BTBD7: variants seen among roughly 807,000 people sequenced by gnomAD.
BTBD7 encodes the protein BTB domain containing 7.
Under a neutral mutation model 99.9 loss-of-function variants are expected in BTBD7, and 38 were observed. The ratio of observed to expected loss-of-function variants is 0.38; its 90% CI spans 0.29 to 0.50. The LOEUF (loss-of-function observed/expected upper bound fraction) is 0.50. BTBD7 is among the 20% of genes least tolerant of loss of function. The pLI is 0.93. For synonymous variants in BTBD7, 520 were observed against 511.4 expected, an observed-to-expected ratio of 1.02 and a Z score of -0.23; for missense variants, 1,170 against 1,394.6, an observed-to-expected ratio of 0.84 and a Z score of 2.57.
Position 93,246,213 on chromosome 14 carries a change from C to A in BTBD7, c.2195G>T (p.Arg732Ile), listed in dbSNP as rs1292023706. The A allele has an allele frequency of 1.2e-6, 2 of 1,600,538 alleles. No individual in the cohort carries two copies. Among genetic ancestry groups the A allele is most frequent in the South Asian group, 2.2e-5 (2 of 89,026 alleles). ...SPLLTMRQPG[R>I]CRVNSTPPAE... ...AGGAGGTGTACTGTTTACGCGACATCTCCCAGGCTGTCTCATTGTCAAGAG... is the reference window on the plus strand; with the variant it reads ...AGGAGGTGTACTGTTTACGCGACATATCCCAGGCTGTCTCATTGTCAAGAG... Residue 732 changes from arginine (R) to isoleucine (I), a missense_variant, in exon 10 of 11, where the codon AGA becomes ATA. By Grantham distance (97) the Arg-to-Ile change is moderately conservative. Around this residue, in one of 4 missense-constraint regions of BTBD7, gnomAD observed 495 missense variants for 525.9 expected, o/e 0.94. Transcript: ENST00000334746.
At chr14:93,289,481 C>A (rs1218101578) in intron 3 of BTBD7, among the ~76,000 whole-genome samples, 1 of 152,178 alleles carries the variant, frequency 6.6e-6, no homozygotes, top group Non-Finnish European at 1.5e-5. Flanking sequence ...CTCAGTAGCC[C>A]CCTTTACAGC....
chr14:93,284,460 T>C (rs1169952897), intron 3 of BTBD7, among the ~76,000 whole-genome samples: 1 of 144,042 alleles, frequency 6.9e-6, no homozygotes, highest in African/African-American at 2.7e-5. Context: ...ACTCCCCACT[T>C]TTTTTTTTTT....
chr14:93,246,071 G>C lies in BTBD7; in HGVS notation c.2337C>G (p.Gly779=). Residue 779 remains glycine (G), a synonymous_variant, in exon 10 of 11, where the codon GGC becomes GGG. Coordinates refer to ENST00000334746, the MANE Select transcript of BTBD7 (RefSeq NM_001002860.4). ...ATPIHNQLKA[G]WKQRPPSQHP... Reference sequence around the variant, plus strand: ...GCTGACTGGGAGGTCTTTGCTTCCAGCCTGCTTTGAGTTGGTTATGGATTG... The same window carrying C: ...GCTGACTGGGAGGTCTTTGCTTCCACCCTGCTTTGAGTTGGTTATGGATTG... The C allele has an allele frequency of 6.3e-7, 1 of 1,596,210 alleles. No homozygotes were observed. Among genetic ancestry groups the C allele is most frequent in the Non-Finnish European group, 8.5e-7 (1 of 1,174,988 alleles).
At chr14:93,282,697 T>C (rs1279287494) in intron 3 of BTBD7, among the ~76,000 whole-genome samples, 2 of 152,156 alleles carry the variant, frequency 1.3e-5, no homozygotes, top group African/African-American at 4.8e-5. Context: ...CCAGGATATT[T>C]GTACAATGCA....
At chr14:93,281,061 G>A (rs556341625) in intron 3 of BTBD7, among the ~76,000 whole-genome samples, 3 of 152,048 alleles carry the variant, frequency 2.0e-5, no homozygotes, top group Admixed American at 1.3e-4. Flanking sequence ...GGAGTGCAGT[G>A]GCACAACCTT....
At chr14:93,265,835 T>C (rs530361099) in intron 3 of BTBD7, among the ~76,000 whole-genome samples, 4 of 152,280 alleles carry the variant, frequency 2.6e-5, no homozygotes, top group African/African-American at 7.2e-5. Context: ...GGCAGGAGAA[T>C]TGCTTGAACC....
intron 3 of BTBD7, among the ~76,000 whole-genome samples, chr14:93,293,148 T>G (rs2052878559): frequency 6.6e-6 from 1 of 152,226 alleles, no homozygotes; most frequent in African/African-American, 2.4e-5. Context: ...TTTCCAGCTC[T>G]GAAATGTTAA....
rs771111547 is a variant in BTBD7, at chr14:93,263,902, C to T, written c.1254G>A (p.Val418=). The T allele has an allele frequency of 6.2e-7, 1 of 1,614,150 alleles. No homozygotes were observed. The change falls in exon 4 of 11, where the codon GTG becomes GTA. Residue 418 remains valine (V), a synonymous_variant. Coordinates refer to ENST00000334746, the MANE Select transcript of BTBD7 (RefSeq NM_001002860.4). ...AGAGGAAATGTAAAGCTTGTCGGTG[C>T]ACCCATTTAGAGCCATATGGATGAG... The part of the protein sequence containing the change: ...WSSHPYGSKW[V]HRQALHFLCE...
At chr14:93,264,175 GA>G (rs2052518734) in intron 3 of BTBD7, among the ~76,000 whole-genome samples, 182 bp from the exon 4 acceptor site, 8 of 152,276 alleles carry the variant, frequency 5.3e-5, no homozygotes, top group Admixed American at 5.2e-4. Context: ...GGCATCTATA[GA>G]AAATCTGCTG....
chr14:93,303,934 C>T (rs1019314853), intron 1 of BTBD7, among the ~76,000 whole-genome samples: 3 of 152,220 alleles, frequency 2.0e-5, no homozygotes, highest in African/African-American at 7.2e-5. Context: ...ATGCCTACAG[C>T]AGCCAGTGCA....
At chr14:93,279,554 C>T (rs574860014) in intron 3 of BTBD7, among the ~76,000 whole-genome samples, 1 of 152,044 alleles carries the variant, frequency 6.6e-6, no homozygotes, top group Non-Finnish European at 1.5e-5. Context: ...TCCTTTTCTT[C>T]TTTTTTTCGT....
At chr14:93,260,553 ATT>A (rs758622305) in intron 5 of BTBD7, among the ~76,000 whole-genome samples, 13 of 136,382 alleles carry the variant, frequency 9.5e-5, no homozygotes, top group Non-Finnish European at 1.1e-4. Context: ...CTTCCACAAC[ATT>A]TTTTTTTTTT....
In BTBD7 at chr14:93,294,603, C is replaced by T. The variant is rs1165134377; in HGVS notation, c.417G>A (p.Lys139=). ...QKDMADLYEY[K]YCTDVDLIFQ... ...ATATTAAGTCTACATCAGTACAATACTTGTACTCATAAAGATCAGCCATAT... is the reference window on the plus strand; with the variant it reads ...ATATTAAGTCTACATCAGTACAATATTTGTACTCATAAAGATCAGCCATAT... The change falls in exon 3 of 11, where the codon AAG becomes AAA. Residue 139 remains lysine, a synonymous_variant. Transcript: ENST00000334746. The T allele has an allele frequency of 6.2e-7, 1 of 1,613,878 alleles. No homozygotes were observed. The highest frequency in any genetic ancestry group is 1.3e-5 in the African/African-American group (1 of 74,922).
At position 93,242,446 on chromosome 14, in the gene BTBD7, A is replaced by G. The variant is rs1368651061; in HGVS notation, c.3226T>C (p.Ser1076Pro). Residue 1076 changes from serine to proline, a missense_variant, in exon 11 of 11, where the codon TCT (serine) becomes CCT (proline). This residue lies in a region of BTBD7 where 495 missense variants were observed against 525.9 expected (regional missense o/e 0.94). Transcript: ENST00000334746. ...FGLTPNRPSL[S>P]ACSSEAPEER... is the part of the protein sequence containing the mutation. Reference sequence around the variant, plus strand: ...TCGGGAGCTTCAGAGCTACATGCAGAAAGTGAAGGTCTGTTAGGAGTCAGC... The same window carrying G: ...TCGGGAGCTTCAGAGCTACATGCAGGAAGTGAAGGTCTGTTAGGAGTCAGC... The G allele has an allele frequency of 7.4e-6, 12 of 1,614,118 alleles. No individual in the cohort carries two copies. Among genetic ancestry groups the G allele is most frequent in the Non-Finnish European group, 8.5e-6 (10 of 1,180,052 alleles).
intron 3 of BTBD7, among the ~76,000 whole-genome samples, chr14:93,274,014 G>C (rs572876885): frequency 2.0e-5 from 3 of 151,772 alleles, no homozygotes; most frequent in East Asian, 3.9e-4. Flanking sequence ...CTTTGCTGAG[G>C]GATAACAGAG....
chr14:93,276,242 G>A (rs549475804), intron 3 of BTBD7, among the ~76,000 whole-genome samples: 2 of 152,252 alleles, frequency 1.3e-5, no homozygotes, highest in African/African-American at 4.8e-5. Context: ...AGATTTTCCC[G>A]CAAGAGCTAA....
intron 5 of BTBD7, among the ~76,000 whole-genome samples, chr14:93,261,343 G>A (rs1482236171): frequency 5.9e-5 from 9 of 151,984 alleles, no homozygotes; most frequent in Admixed American, 6.6e-5. Context: ...GTACTTCCAC[G>A]AATCAGTCAT....
chr14:93,300,784 A>T (rs1181463471), intron 1 of BTBD7, among the ~76,000 whole-genome samples: 6,781 of 69,998 alleles, frequency 0.097, 814 homozygotes, highest in African/African-American at 0.19. Context: ...ATATATATAT[A>T]TATTTTTTTT....
At chr14:93,290,040 C>T (rs958620288) in intron 3 of BTBD7, among the ~76,000 whole-genome samples, 8 of 151,428 alleles carry the variant, frequency 5.3e-5, no homozygotes, top group Admixed American at 1.3e-4. Flanking sequence ...TAGTTAGAGA[C>T]GGGGGTTTCA....
Sources: allele counts gnomAD v4.1 joint callset (sites outside exome capture counted in the v4.1 genomes callset), GRCh38; gene constraint gnomAD v4.1.1; regional missense constraint gnomAD v4.1.1; transcripts MANE v1.5; gene names NCBI Gene and HGNC (gene_info 2026-07-23, HGNC 2026-07-21).